The following XNDC1N variants were observed in gnomAD, a reference collection of about 807,000 sequenced individuals.
XNDC1N encodes protein XNDC1N.
the XNDC1N span, among the ~76,000 whole-genome samples, chr11:71,878,026 G>A: frequency 6.6e-6 from 1 of 152,220 alleles, no homozygotes; most frequent in Non-Finnish European, 1.5e-5. Flanking sequence ...GCTTAAGCAT[G>A]CTAACACACG....
the XNDC1N span, among the ~76,000 whole-genome samples, chr11:71,909,609 C>T: frequency 6.6e-6 from 1 of 152,206 alleles, no homozygotes; most frequent in Non-Finnish European, 1.5e-5. Context: ...GAGATATTGA[C>T]TTTCTTGTAG....
the XNDC1N span, among the ~76,000 whole-genome samples, chr11:71,891,213 C>G: frequency 1.3e-5 from 2 of 151,702 alleles, no homozygotes; most frequent in African/African-American, 2.4e-5. Context: ...GGGTGGTGTA[C>G]CCCCCCTGCG....
At chr11:71,900,066 C>T in the XNDC1N span, among the ~76,000 whole-genome samples, 2 of 152,260 alleles carry the variant, frequency 1.3e-5, no homozygotes, top group African/African-American at 4.8e-5. Context: ...TGTGCATGTC[C>T]AATCATAGTA....
chr11:71,907,542 C>G, the XNDC1N span, among the ~76,000 whole-genome samples: 4 of 152,020 alleles, frequency 2.6e-5, no homozygotes, highest in Non-Finnish European at 4.4e-5. Flanking sequence ...ATCACCTCCC[C>G]CTCTGGAGAT....
chr11:71,870,788 A>C, the XNDC1N span, among the ~76,000 whole-genome samples: 1 of 152,200 alleles, frequency 6.6e-6, no homozygotes, highest in Non-Finnish European at 1.5e-5. Context: ...AAAGTGTTCA[A>C]CCTCACTAAT....
the XNDC1N span, among the ~76,000 whole-genome samples, chr11:71,901,264 T>C: frequency 1.3e-5 from 2 of 152,084 alleles, no homozygotes; most frequent in Non-Finnish European, 2.9e-5. Flanking sequence ...TCAAAAATGC[T>C]CCTCCGATGT....
chr11:71,887,543 C>T, the XNDC1N span, among the ~76,000 whole-genome samples: 36 of 151,464 alleles, frequency 2.4e-4, 1 homozygote, highest in East Asian at 7.1e-3. Context: ...AGAGTATGGG[C>T]AGAAGACAAC....
chr11:71,902,951 C>T, the XNDC1N span, among the ~76,000 whole-genome samples: 616 of 152,282 alleles, frequency 4.0e-3, 1 homozygote, highest in Non-Finnish European at 6.9e-3. Flanking sequence ...GCTAGTGTCT[C>T]TAAGGCAGGT....
the XNDC1N span, chr11:71,917,866 C>T: frequency 1.6e-6 from 1 of 644,938 alleles, no homozygotes; most frequent in South Asian, 1.8e-5. Flanking sequence ...CTCTACTTTA[C>T]AGCTAGCTGA....
the XNDC1N span, among the ~76,000 whole-genome samples, chr11:71,918,100 C>T: frequency 6.6e-6 from 1 of 152,192 alleles, no homozygotes; most frequent in African/African-American, 2.4e-5. Context: ...CCTGACATCT[C>T]TCTGTCCCGA....
chr11:71,884,758 C>T, the XNDC1N span: 2 of 809,692 alleles, frequency 2.5e-6, no homozygotes, highest in East Asian at 2.8e-5. Context: ...CCTTAATTTA[C>T]ATCCACAGCC....
At chr11:71,865,933 GT>G in the XNDC1N span, 1 of 414,506 alleles carries the variant, frequency 2.4e-6, no homozygotes, top group South Asian at 1.8e-5. Context: ...GGGCAACATT[GT>G]CCCTAGTTGA....
the XNDC1N span, among the ~76,000 whole-genome samples, chr11:71,919,929 CTTTTTTTTTTTTTTTTTTTTTT>C: frequency 3.5e-3 from 92 of 26,626 alleles, 1 homozygote; most frequent in South Asian, 8.8e-3. Flanking sequence ...AAGCAGGCCT[CTTTTTTTTTTTTTTTTTTTTTT>C]TTTTTTTTTT....
chr11:71,884,608 T>C, the XNDC1N span: 1 of 1,552,692 alleles, frequency 6.4e-7, no homozygotes, highest in African/African-American at 1.4e-5. Flanking sequence ...AAAACATGTC[T>C]TAAACTCTCT....
the XNDC1N span, among the ~76,000 whole-genome samples, chr11:71,884,914 T>C: frequency 0.62 from 90,057 of 145,744 alleles, 28,114 homozygotes; most frequent in African/African-American, 0.75. Flanking sequence ...TTCTTGCCCC[T>C]CTGACTCTTA....
the XNDC1N span, chr11:71,903,887 G>C: frequency 2.5e-6 from 1 of 396,814 alleles, no homozygotes; most frequent in African/African-American, 2.1e-5. Flanking sequence ...TTCATCATCA[G>C]GTGGGAAGTA....
At chr11:71,907,435 C>T in the XNDC1N span, among the ~76,000 whole-genome samples, 2 of 146,110 alleles carry the variant, frequency 1.4e-5, no homozygotes, top group Non-Finnish European at 3.1e-5. Flanking sequence ...GCGAGGAGCC[C>T]CCCACGATGC....
the XNDC1N span, among the ~76,000 whole-genome samples, chr11:71,888,989 T>C: frequency 2.0e-5 from 3 of 152,158 alleles, no homozygotes; most frequent in African/African-American, 7.2e-5. Flanking sequence ...CTGGGAACTA[T>C]ACTTGGATGG....
At chr11:71,880,250 T>A in the XNDC1N span, among the ~76,000 whole-genome samples, 2 of 152,120 alleles carry the variant, frequency 1.3e-5, no homozygotes, top group African/African-American at 4.8e-5. Context: ...TTGGGAAAGT[T>A]AGATTGATTA....
Sources: gnomAD v4.1 joint callset for allele counts (sites outside exome capture counted in the v4.1 genomes callset) on GRCh38, gnomAD v4.1.1 for gene constraint, MANE v1.5 for transcripts, NCBI Gene and HGNC (gene_info 2026-07-23, HGNC 2026-07-21) for gene names.